OXR1: variants seen among roughly 807,000 people sequenced by gnomAD.
OXR1 encodes oxidation resistance 1.
Under a neutral mutation model 104.6 loss-of-function variants are expected in OXR1, and 41 were observed. The ratio of observed to expected loss-of-function variants is 0.39; its 90% CI spans 0.31 to 0.51. The LOEUF (loss-of-function observed/expected upper bound fraction) is 0.51. Among genes scored for constraint, OXR1 ranks in the 20% least tolerant of loss-of-function variants. The pLI, the probability that OXR1 is intolerant of heterozygous loss-of-function variation, is 0.77. For synonymous variants in OXR1, 348 were observed against 348.4 expected (o/e 1.00, Z 0.01); for missense variants, 955 against 1,031.9 (o/e 0.93, Z 1.02).
rs188758348 is a variant in OXR1 at position 106,484,786 on chromosome 8, C to T, written c.24-34157C>T. Among the ~76,000 whole-genome samples, 189 of 150,280 alleles carry T rather than the reference C, an allele frequency of 1.3e-3. 1 individual carries two copies. Among genetic ancestry groups the T allele is most frequent in the African/African-American group, 4.4e-3 (181 of 41,012 alleles). On this transcript the variant is annotated intron_variant, in intron 2 of 16. Transcript: ENST00000517566. Reference sequence around the variant, plus strand: ...GTTTTTTTAAAAACAAAAACAAAAACAAAAAAAAACTAAACATATACTTAC... The same window carrying T: ...GTTTTTTTAAAAACAAAAACAAAAATAAAAAAAAACTAAACATATACTTAC...
At chr8:106,504,932 T>A (rs1586732301) in intron 2 of OXR1, among the ~76,000 whole-genome samples, 1 of 152,220 alleles carries the variant, frequency 6.6e-6, no homozygotes, top group Non-Finnish European at 1.5e-5. Flanking sequence ...ATTTACCACC[T>A]GCAGAAGTAT....
At chr8:106,483,107 A>ACC (rs1822238721) in intron 2 of OXR1, among the ~76,000 whole-genome samples, 1 of 152,024 alleles carries the variant, frequency 6.6e-6, no homozygotes, top group African/African-American at 2.4e-5. Context: ...ACCAATAGGT[A>ACC]TATTGGTATA....
chr8:106,677,981 A>G (rs912598795), intron 3 of OXR1, among the ~76,000 whole-genome samples: 5 of 152,122 alleles, frequency 3.3e-5, no homozygotes, highest in Non-Finnish European at 7.4e-5. Flanking sequence ...TGTGGAAGAA[A>G]GGCAATGTTT....
intron 1 of OXR1, among the ~76,000 whole-genome samples, chr8:106,330,676 A>G (rs1814676388): frequency 6.6e-6 from 1 of 152,166 alleles, no homozygotes; most frequent in Non-Finnish European, 1.5e-5. Context: ...TTAAGACTCC[A>G]CCTTCCCTGT....
intron 2 of OXR1, among the ~76,000 whole-genome samples, chr8:106,482,853 T>C (rs1822219521): frequency 6.6e-6 from 1 of 152,006 alleles, no homozygotes; most frequent in Non-Finnish European, 1.5e-5. Flanking sequence ...GTGTAAAAAT[T>C]TAGATCAATT....
chr8:106,390,608 A>G (rs1393553513), intron 2 of OXR1, among the ~76,000 whole-genome samples: 7 of 152,238 alleles, frequency 4.6e-5, no homozygotes, highest in Non-Finnish European at 8.8e-5. Context: ...GCAGGTGTTC[A>G]TAAGTATTGC....
At chr8:106,325,128 C>T (rs1814414400) in intron 1 of OXR1, among the ~76,000 whole-genome samples, 1 of 152,198 alleles carries the variant, frequency 6.6e-6, no homozygotes, top group African/African-American at 2.4e-5. Context: ...GAGGAAGAGA[C>T]TCTTGGGAAG....
intron 1 of OXR1, among the ~76,000 whole-genome samples, chr8:106,349,775 G>A (rs1037735757): frequency 6.6e-6 from 1 of 152,232 alleles, no homozygotes; most frequent in East Asian, 1.9e-4. Context: ...GAAAGGGATG[G>A]GTATAGCAGG....
At chr8:106,298,212 C>T (rs1331872745) in intron 1 of OXR1, among the ~76,000 whole-genome samples, 2 of 151,942 alleles carry the variant, frequency 1.3e-5, no homozygotes, top group East Asian at 1.9e-4. Context: ...AAAGACATAC[C>T]CAAGACTGGG....
At chr8:106,742,559 T>C (rs1407643653) in intron 15 of OXR1, 3 of 325,842 alleles carry the variant, frequency 9.2e-6, no homozygotes, top group Non-Finnish European at 1.7e-5. Context: ...ACTACAAGGC[T>C]ACAGTAACCA....
intron 1 of OXR1, among the ~76,000 whole-genome samples, chr8:106,298,968 G>T (rs1813119059): frequency 6.6e-6 from 1 of 151,882 alleles, no homozygotes. Flanking sequence ...ATGTATGTGT[G>T]TGTTATATGT....
intron 4 of OXR1, chr8:106,682,404 G>A (rs1223647339): frequency 6.6e-6 from 1 of 151,300 alleles, no homozygotes; most frequent in Non-Finnish European, 1.5e-5. Context: ...GAGTAGCTGG[G>A]ACTACAGGCG....
chr8:106,319,913 G>T (rs1298549192), intron 1 of OXR1, among the ~76,000 whole-genome samples: 3 of 152,166 alleles, frequency 2.0e-5, no homozygotes, highest in Non-Finnish European at 2.9e-5. Flanking sequence ...CCTGTGGGTG[G>T]TTATGGTTCT....
At chr8:106,682,263 CTCTT>C (rs1828230208) in intron 4 of OXR1, among the ~76,000 whole-genome samples, 1 of 141,998 alleles carries the variant, frequency 7.0e-6, no homozygotes, top group Admixed American at 7.0e-5. Context: ...TCAGAGCTCT[CTCTT>C]TTTTTTTTTT....
chr8:106,517,735 A>C (rs7819358), intron 2 of OXR1, among the ~76,000 whole-genome samples: 1 of 151,974 alleles, frequency 6.6e-6, no homozygotes, highest in Non-Finnish European at 1.5e-5. Flanking sequence ...CTTGTTGCCA[A>C]TCTGAGTTAC....
At chr8:106,425,903 A>G (rs1281002102) in intron 2 of OXR1, among the ~76,000 whole-genome samples, 1 of 152,114 alleles carries the variant, frequency 6.6e-6, no homozygotes, top group African/African-American at 2.4e-5. Context: ...CTCCGATGAG[A>G]GAGGAAAGAG....
intron 2 of OXR1, among the ~76,000 whole-genome samples, chr8:106,437,119 C>T (rs1406346652): frequency 1.3e-5 from 2 of 152,092 alleles, no homozygotes; most frequent in Non-Finnish European, 1.5e-5. Flanking sequence ...TGTCTTTTAT[C>T]TCCATATAAT....
At chr8:106,672,868 C>T (rs1401295854) in intron 3 of OXR1, among the ~76,000 whole-genome samples, 1 of 152,130 alleles carries the variant, frequency 6.6e-6, no homozygotes, top group Non-Finnish European at 1.5e-5. Flanking sequence ...CTTGCTTCCC[C>T]CTTTGCTTTC....
chr8:106,278,809 G>C (rs1812164964), intron 1 of OXR1, among the ~76,000 whole-genome samples: 1 of 152,092 alleles, frequency 6.6e-6, no homozygotes. Flanking sequence ...ATAAATGTAA[G>C]TGCCTTATTT....
Sources: allele counts gnomAD v4.1 joint callset (sites outside exome capture counted in the v4.1 genomes callset), GRCh38; gene constraint gnomAD v4.1.1; transcripts MANE v1.5; gene names NCBI Gene and HGNC (gene_info 2026-07-23, HGNC 2026-07-21).